Variants in PNPLA1 observed in about 807,000 individuals in gnomAD.
PNPLA1 encodes omega-hydroxyceramide transacylase.
Under a neutral mutation model 51.7 loss-of-function variants are expected in PNPLA1, and 36 were observed. That is an observed-to-expected ratio of 0.70 (90% CI 0.53 to 0.92). The LOEUF is 0.92. Among genes scored for constraint, PNPLA1 ranks in the 40% least tolerant of loss-of-function variants. PNPLA1 has a pLI of 0.00. For synonymous variants in PNPLA1, 293 were observed against 280.1 expected (o/e 1.05, Z -0.46); for missense variants, 658 against 682.5 (o/e 0.96, Z 0.40).
chr6:36,256,682 G>A (rs1016516031), intron 1 of PNPLA1, among the ~76,000 whole-genome samples: 6 of 152,042 alleles, frequency 3.9e-5, no homozygotes, highest in Admixed American at 2.6e-4. Flanking sequence ...TCTTGACCTC[G>A]TGATCCACCC....
At chr6:36,279,562 TGGA>T (rs1406055691) in intron 1 of PNPLA1, among the ~76,000 whole-genome samples, 41 of 152,178 alleles carry the variant, frequency 2.7e-4, no homozygotes, top group Admixed American at 2.7e-3. Flanking sequence ...CCAGGATTAG[TGGA>T]GAATAGAGTT....
intron 1 of PNPLA1, among the ~76,000 whole-genome samples, chr6:36,280,034 T>C (rs1018089317): frequency 2.0e-5 from 3 of 151,822 alleles, no homozygotes; most frequent in Non-Finnish European, 2.9e-5. Flanking sequence ...GGTGAAACCC[T>C]GTCTCTACTA....
At chr6:36,288,822 A>G (rs1169777593) in intron 1 of PNPLA1, among the ~76,000 whole-genome samples, 1 of 152,156 alleles carries the variant, frequency 6.6e-6, no homozygotes, top group African/African-American at 2.4e-5. Context: ...CTGTAATCCC[A>G]GCTACTCAAG....
chr6:36,300,178 T>TGAGAGAGAGAGAGA (rs71548136), intron 5 of PNPLA1, among the ~76,000 whole-genome samples: 27 of 98,128 alleles, frequency 2.8e-4, no homozygotes, highest in African/African-American at 7.3e-4. Context: ...TGTGTGTGTG[T>TGAGAGAGAGAGAGA]GAGAGAGAGA....
chr6:36,272,835 G>A (rs1373240393), intron 1 of PNPLA1, among the ~76,000 whole-genome samples: 1 of 152,122 alleles, frequency 6.6e-6, no homozygotes, highest in African/African-American at 2.4e-5. Context: ...AAGAATAATA[G>A]TAATGCCCAT....
At chr6:36,293,719 T>C (rs781332302) in intron 3 of PNPLA1, among the ~76,000 whole-genome samples, 4 of 152,210 alleles carry the variant, frequency 2.6e-5, no homozygotes, top group Non-Finnish European at 5.9e-5. Context: ...AGGTAGTAGA[T>C]GGAGCTTGTA....
At chr6:36,267,533 C>T (rs11751192), upstream of PNPLA1, among the ~76,000 whole-genome samples, 5,097 of 152,250 alleles carry the variant, frequency 0.033, 123 homozygotes, top group Middle Eastern at 0.14. Context: ...CGGGTCCAAG[C>T]AGGTGGGGAC....
At chr6:36,273,251 T>TAAATAATA (rs1554135523) in intron 1 of PNPLA1, among the ~76,000 whole-genome samples, 68 of 146,622 alleles carry the variant, frequency 4.6e-4, no homozygotes, top group Non-Finnish European at 6.7e-4. Flanking sequence ...AATAAATAAA[T>TAAATAATA]AATAAATAAA....
chr6:36,253,732 G>A (rs906757000), intron 1 of PNPLA1, among the ~76,000 whole-genome samples: 3 of 152,212 alleles, frequency 2.0e-5, no homozygotes, highest in African/African-American at 7.2e-5. Flanking sequence ...TCCTGCCTCG[G>A]CTTCCCAAAG....
intron 5 of PNPLA1, 110 bp downstream of exon 5, chr6:36,295,534 C>A: frequency 8.4e-7 from 1 of 1,183,982 alleles, no homozygotes; most frequent in Non-Finnish European, 1.2e-6. Context: ...GACCCGGAGA[C>A]GCCCTTCACC....
chr6:36,254,983 G>A (rs954816847), intron 1 of PNPLA1, among the ~76,000 whole-genome samples: 1 of 152,130 alleles, frequency 6.6e-6, no homozygotes, highest in Non-Finnish European at 1.5e-5. Context: ...CCTAGTGCCC[G>A]GACAATGAAT....
chr6:36,251,813 T>C (rs1178133082), intron 1 of PNPLA1, among the ~76,000 whole-genome samples: 2 of 151,954 alleles, frequency 1.3e-5, no homozygotes, highest in Non-Finnish European at 2.9e-5. Flanking sequence ...GGTGAGGTGG[T>C]GCAAGTCTGT....
At chr6:36,296,690 C>T (rs1312419241) in intron 5 of PNPLA1, among the ~76,000 whole-genome samples, 2 of 152,156 alleles carry the variant, frequency 1.3e-5, no homozygotes, top group East Asian at 1.9e-4. Context: ...TTTCTCCCAA[C>T]AAGGGGGGTG....
Position 36,305,768 on chromosome 6 carries a change from C to CTTT in PNPLA1, c.1385-504_1385-502dup, listed in dbSNP as rs72063246. ...TTTCCTTATTTTTCTTTACTTTTCT[C>CTTT]TTTTTTTTTTTTTTTTTTTTTTGGT... On this transcript the variant is annotated intron_variant, in intron 6 of 8. Transcript: ENST00000636260. Among the ~76,000 whole-genome samples, 132 of 96,532 alleles carry CTTT rather than the reference C, an allele frequency of 1.4e-3. No individual in the cohort carries two copies. In the Middle Eastern group the frequency reaches 0.016, roughly 12 times the overall value. 63.3% of individuals were successfully genotyped at this position (96,532 alleles called of 152,430 possible).
At chr6:36,251,323 C>T in intron 1 of PNPLA1, among the ~76,000 whole-genome samples, 1 of 151,756 alleles carries the variant, frequency 6.6e-6, no homozygotes, top group Non-Finnish European at 1.5e-5. Flanking sequence ...TCCTGGGCTG[C>T]TGGGTTTGGT....
intron 1 of PNPLA1, among the ~76,000 whole-genome samples, chr6:36,291,086 G>C (rs1346551349): frequency 6.6e-6 from 1 of 152,224 alleles, no homozygotes; most frequent in Non-Finnish European, 1.5e-5. Flanking sequence ...CCTGGGTCCA[G>C]CTCCATCATT....
At chr6:36,284,943 A>T (rs964272476) in intron 1 of PNPLA1, among the ~76,000 whole-genome samples, 1 of 152,182 alleles carries the variant, frequency 6.6e-6, no homozygotes, top group East Asian at 1.9e-4. Context: ...ATTGTTTTTC[A>T]ATCAATACCC....
chr6:36,284,023 C>CA (rs1304981996), intron 1 of PNPLA1, among the ~76,000 whole-genome samples: 2 of 152,246 alleles, frequency 1.3e-5, no homozygotes, highest in African/African-American at 4.8e-5. Flanking sequence ...TTTCTAGATG[C>CA]ATTCCCTCTC....
intron 6 of PNPLA1, among the ~76,000 whole-genome samples, chr6:36,303,187 C>T (rs1159196695): frequency 3.3e-5 from 5 of 152,066 alleles, no homozygotes; most frequent in Admixed American, 6.5e-5. Flanking sequence ...TTCTGCCTCC[C>T]GGGTTCACGC....
Sources: allele counts gnomAD v4.1 joint callset (sites outside exome capture counted in the v4.1 genomes callset), GRCh38; gene constraint gnomAD v4.1.1; transcripts MANE v1.5; gene names NCBI Gene and HGNC (gene_info 2026-07-23, HGNC 2026-07-21).